The following HCRTR2 variants were observed in gnomAD, a reference collection of about 807,000 sequenced individuals.
HCRTR2 encodes hypocretin receptor 2, also known as orexin receptor type 2.
HCRTR2 carries 22 observed loss-of-function variants against 49.0 expected under a neutral mutation model. That is an observed-to-expected ratio of 0.45 (90% CI 0.32 to 0.64). The LOEUF (loss-of-function observed/expected upper bound fraction) is 0.64. Among genes scored for constraint, HCRTR2 ranks in the 30% least tolerant of loss-of-function variants. The probability of loss-of-function intolerance (pLI) is 0.04; values close to 1 mark genes in which losing one functional copy is unlikely to be tolerated. For missense variants in HCRTR2, 491 were observed against 559.4 expected (o/e 0.88, Z 1.23); for synonymous variants, 236 against 205.3 (o/e 1.15, Z -1.28).
chr6:55,185,769 C>T (rs1201091771), intron 1 of HCRTR2, among the ~76,000 whole-genome samples: 1 of 152,188 alleles, frequency 6.6e-6, no homozygotes, highest in Non-Finnish European at 1.5e-5. Flanking sequence ...CTTGAATTAA[C>T]AGCCAAACAA....
intron 1 of HCRTR2, among the ~76,000 whole-genome samples, chr6:55,203,210 G>A (rs1303072176): frequency 6.6e-6 from 1 of 152,226 alleles, no homozygotes; most frequent in African/African-American, 2.4e-5. Flanking sequence ...TTCTCTGAAG[G>A]ATAGAATTTG....
At chr6:55,179,171 G>C (rs902831438) in intron 1 of HCRTR2, among the ~76,000 whole-genome samples, 3 of 152,044 alleles carry the variant, frequency 2.0e-5, no homozygotes, top group African/African-American at 7.2e-5. Context: ...CCTAAGCCTA[G>C]AGACATTTAT....
At chr6:55,261,881 T>A (rs1004358179) in intron 3 of HCRTR2, among the ~76,000 whole-genome samples, 1 of 151,970 alleles carries the variant, frequency 6.6e-6, no homozygotes, top group African/African-American at 2.4e-5. Flanking sequence ...CCAGCCCAAA[T>A]GCCCATCAAT....
upstream of HCRTR2, among the ~76,000 whole-genome samples, chr6:55,171,005 A>G (rs1005262179): frequency 6.6e-6 from 1 of 151,876 alleles, no homozygotes; most frequent in Non-Finnish European, 1.5e-5. Flanking sequence ...GGTTGGTTCC[A>G]AGTCTTTGCT....
chr6:55,174,522 A>C lies in HCRTR2; in HGVS notation c.-66A>C, dbSNP rs1394226487. 9 of 1,325,512 alleles carry C rather than the reference A, an allele frequency of 6.8e-6. No homozygotes were observed. Among genetic ancestry groups the C allele is most frequent in the Non-Finnish European group, 8.7e-6 (8 of 917,414 alleles). The allele number at this position is 1,325,512 out of a possible 1,614,324, so 82.1% of individuals were successfully genotyped here. Reference sequence around the variant, plus strand: ...CGCGCAGCCTTTCCCACCGCAAATCACCAGTGCTCATGGGGCAGGCGGAGA... The same window carrying C: ...CGCGCAGCCTTTCCCACCGCAAATCCCCAGTGCTCATGGGGCAGGCGGAGA... On this transcript the variant is annotated 5_prime_UTR_variant, in exon 1 of 7. Coordinates refer to ENST00000370862, the MANE Select transcript of HCRTR2 (RefSeq NM_001384272.1).
At chr6:55,156,120 T>C (rs73743265) in intron 1 of HCRTR2, among the ~76,000 whole-genome samples, 4,788 of 151,764 alleles carry the variant, frequency 0.032, 247 homozygotes, top group African/African-American at 0.11. Context: ...AATATTATTG[T>C]TACATTATTA....
intron 3 of HCRTR2, among the ~76,000 whole-genome samples, chr6:55,259,735 A>C (rs1253042398): frequency 6.6e-6 from 1 of 151,990 alleles, no homozygotes; most frequent in African/African-American, 2.4e-5. Flanking sequence ...AATGATTATC[A>C]ATATTTAAAA....
intron 3 of HCRTR2, among the ~76,000 whole-genome samples, chr6:55,262,673 A>G (rs1011298626): frequency 2.8e-5 from 4 of 140,860 alleles, no homozygotes; most frequent in African/African-American, 1.0e-4. Flanking sequence ...TATATAATAT[A>G]TAAAATATAT....
chr6:55,212,941 G>A (rs763171205), intron 1 of HCRTR2, among the ~76,000 whole-genome samples: 1 of 152,146 alleles, frequency 6.6e-6, no homozygotes, highest in East Asian at 1.9e-4. Context: ...AAATTCTCAT[G>A]TGTCCATTGG....
chr6:55,141,261 G>T (rs888712225), intron 1 of HCRTR2, among the ~76,000 whole-genome samples: 5 of 151,896 alleles, frequency 3.3e-5, no homozygotes, highest in African/African-American at 1.2e-4. Flanking sequence ...AGGAGAATGC[G>T]TGAACCCAGG....
intron 1 of HCRTR2, among the ~76,000 whole-genome samples, chr6:55,156,997 T>C (rs1485591212): frequency 6.6e-6 from 1 of 152,160 alleles, no homozygotes; most frequent in East Asian, 1.9e-4. Flanking sequence ...CAAAGAGGTC[T>C]ACTAATTCTA....
chr6:55,249,577 G>A (rs1471664532), intron 2 of HCRTR2, among the ~76,000 whole-genome samples: 1 of 152,086 alleles, frequency 6.6e-6, no homozygotes, highest in African/African-American at 2.4e-5. Context: ...TATAAAAACA[G>A]TATATTCTCA....
chr6:55,124,791 T>G (rs944364003), intron 1 of HCRTR2, among the ~76,000 whole-genome samples: 20 of 152,196 alleles, frequency 1.3e-4, no homozygotes, highest in African/African-American at 4.8e-4. Flanking sequence ...ATCTGTTTGC[T>G]CCTGTATTTG....
intron 3 of HCRTR2, among the ~76,000 whole-genome samples, chr6:55,256,405 T>C (rs916136739): frequency 6.6e-6 from 1 of 152,104 alleles, no homozygotes; most frequent in Non-Finnish European, 1.5e-5. Context: ...CCTTGGTGTT[T>C]GTACTAGAAC....
intron 1 of HCRTR2, among the ~76,000 whole-genome samples, chr6:55,165,578 G>A (rs950017446): frequency 1.3e-5 from 2 of 151,674 alleles, no homozygotes; most frequent in East Asian, 2.0e-4. Flanking sequence ...TCTTAAATAT[G>A]ATAAAATATG....
At chr6:55,164,946 A>T (rs1209389928) in intron 1 of HCRTR2, among the ~76,000 whole-genome samples, 1 of 152,192 alleles carries the variant, frequency 6.6e-6, no homozygotes, top group Non-Finnish European at 1.5e-5. Flanking sequence ...TCAGACTTCT[A>T]TCAGATAAAT....
intron 1 of HCRTR2, among the ~76,000 whole-genome samples, chr6:55,208,501 AAAT>A (rs1324901125): frequency 2.0e-5 from 3 of 151,658 alleles, no homozygotes; most frequent in African/African-American, 7.3e-5. Flanking sequence ...CAAAAAATAA[AAAT>A]AAAAAAAAAA....
Position 55,156,626 on chromosome 6 carries a change from T to G in HCRTR2, c.-377-17585T>G, listed in dbSNP as rs548450269. ...ACACACACACCAGATCAATATAACT[T>G]ATGGATGTTGATGCAAAAATTTTCA... On this transcript the variant is annotated intron_variant, in intron 1 of 7. Transcript: ENST00000615358. Among the ~76,000 whole-genome samples, 176 of 151,788 alleles carry G rather than the reference T, an allele frequency of 1.2e-3. 2 individuals are homozygous for G. In the South Asian group the frequency reaches 0.017, roughly 15 times the overall value.
intron 6 of HCRTR2, among the ~76,000 whole-genome samples, chr6:55,280,779 T>A (rs992254596): frequency 9.2e-5 from 14 of 152,250 alleles, no homozygotes; most frequent in Non-Finnish European, 1.9e-4. Flanking sequence ...TTTGCCTTGC[T>A]ATATTATTCC....
Sources: allele counts gnomAD v4.1 joint callset (sites outside exome capture counted in the v4.1 genomes callset), GRCh38; gene constraint gnomAD v4.1.1; transcripts MANE v1.5; gene names NCBI Gene and HGNC (gene_info 2026-07-23, HGNC 2026-07-21).